DNM3: variants seen among roughly 807,000 people sequenced by gnomAD.
DNM3 encodes the protein dynamin-3.
Under a neutral mutation model 101.6 loss-of-function variants are expected in DNM3, and 47 were observed. The ratio of observed to expected loss-of-function variants is 0.46; its 90% confidence interval spans 0.37 to 0.59. DNM3 has a LOEUF of 0.59. Ranked by LOEUF, DNM3 falls within the 20% of genes least tolerant of loss-of-function variation. The pLI is 0.00. For synonymous variants in DNM3, 385 were observed against 387.9 expected, an observed-to-expected ratio of 0.99 and a Z score of 0.09; for missense variants, 849 against 1,085.7, an observed-to-expected ratio of 0.78 and a Z score of 3.06.
intron 20 of DNM3, among the ~76,000 whole-genome samples, chr1:172,392,821 C>T (rs2069639161): frequency 6.6e-6 from 1 of 152,144 alleles, no homozygotes; most frequent in Non-Finnish European, 1.5e-5. Flanking sequence ...CACCCTTGTT[C>T]ACCAAGTATG....
intron 1 of DNM3, among the ~76,000 whole-genome samples, chr1:171,893,430 AT>A (rs1430530534): frequency 3.4e-5 from 5 of 148,780 alleles, no homozygotes; most frequent in Admixed American, 1.4e-4. Flanking sequence ...AGTCCAAACT[AT>A]TTTCAATTAT....
chr1:171,963,751 A>G (rs2043374863), intron 2 of DNM3, among the ~76,000 whole-genome samples: 1 of 146,466 alleles, frequency 6.8e-6, no homozygotes, highest in South Asian at 2.3e-4. Flanking sequence ...TATATATATT[A>G]TCTCTATATA....
At chr1:172,340,083 A>T (rs1282520376) in intron 17 of DNM3, among the ~76,000 whole-genome samples, 1 of 152,184 alleles carries the variant, frequency 6.6e-6, no homozygotes, top group Non-Finnish European at 1.5e-5. Context: ...GAATGGATTT[A>T]GTGGGAGCCA....
chr1:172,298,396 A>G (rs2064266580), intron 15 of DNM3, among the ~76,000 whole-genome samples: 1 of 152,196 alleles, frequency 6.6e-6, no homozygotes, highest in African/African-American at 2.4e-5. Context: ...AGGCACTGCT[A>G]TGGGAGACTC....
chr1:172,320,855 T>C (rs1440240376), intron 16 of DNM3, among the ~76,000 whole-genome samples: 3 of 152,172 alleles, frequency 2.0e-5, no homozygotes, highest in South Asian at 2.1e-4. Context: ...TGGTAGGAAG[T>C]CTGAAACAAT....
At chr1:171,893,242 A>G (rs1047938925) in intron 1 of DNM3, among the ~76,000 whole-genome samples, 2 of 152,186 alleles carry the variant, frequency 1.3e-5, no homozygotes, top group African/African-American at 2.4e-5. Context: ...TGCATGGACT[A>G]AGGTTTACTT....
chr1:172,040,988 A>G (rs910537204), intron 7 of DNM3, among the ~76,000 whole-genome samples: 2 of 152,096 alleles, frequency 1.3e-5, no homozygotes, highest in South Asian at 2.1e-4. Context: ...ATGCTGGGAG[A>G]TGGGCTAAAG....
downstream of DNM3, among the ~76,000 whole-genome samples, chr1:172,417,550 C>T (rs9425309): frequency 0.73 from 111,237 of 152,004 alleles, 45,354 homozygotes; most frequent in East Asian, 1. Context: ...CACTTCAGAA[C>T]AAATCAGAAA....
At chr1:172,344,270 A>G (rs1340701158) in intron 17 of DNM3, among the ~76,000 whole-genome samples, 9 of 152,200 alleles carry the variant, frequency 5.9e-5, no homozygotes, top group South Asian at 2.1e-4. Flanking sequence ...AATTGCAACC[A>G]TATTTTGCCA....
downstream of DNM3, among the ~76,000 whole-genome samples, chr1:172,413,289 C>G (rs1450075971): frequency 2.0e-5 from 3 of 152,116 alleles, no homozygotes; most frequent in Non-Finnish European, 4.4e-5. Context: ...TGCAGTGGCA[C>G]TATCTCGGCT....
chr1:172,050,699 T>C (rs918659227), intron 10 of DNM3, among the ~76,000 whole-genome samples: 1 of 152,176 alleles, frequency 6.6e-6, no homozygotes, highest in Non-Finnish European at 1.5e-5. Context: ...CTCCCTCCAC[T>C]GTAAAGAAAG....
At chr1:171,891,754 A>G (rs114850591) in intron 1 of DNM3, among the ~76,000 whole-genome samples, 1,762 of 152,322 alleles carry the variant, frequency 0.012, 16 homozygotes, top group Middle Eastern at 0.017. Flanking sequence ...GGAAATTACC[A>G]TCTTATCACA....
At chr1:172,227,606 T>G (rs973858196) in intron 14 of DNM3, among the ~76,000 whole-genome samples, 5 of 152,274 alleles carry the variant, frequency 3.3e-5, no homozygotes, top group African/African-American at 9.6e-5. Flanking sequence ...TCTTTTGACT[T>G]TTTAATAATG....
chr1:172,036,096 C>A (rs2125815292), intron 6 of DNM3, among the ~76,000 whole-genome samples: 1 of 148,982 alleles, frequency 6.7e-6, no homozygotes, highest in Non-Finnish European at 1.5e-5. Context: ...TGCTGGTGTG[C>A]TGCACCCATT....
intron 14 of DNM3, among the ~76,000 whole-genome samples, chr1:172,186,986 C>T (rs2059549698): frequency 6.6e-6 from 1 of 152,030 alleles, no homozygotes; most frequent in Admixed American, 6.6e-5. Flanking sequence ...CTCTCCATGG[C>T]CGAGTCACCT....
chr1:172,368,646 CA>C (rs1413275249), intron 17 of DNM3, among the ~76,000 whole-genome samples: 3 of 151,514 alleles, frequency 2.0e-5, no homozygotes, highest in Non-Finnish European at 4.4e-5. Context: ...GAGATTAAAA[CA>C]ACAATACAAA....
In DNM3 at chr1:172,330,638, T is replaced by C. The variant is rs545861845; in HGVS notation, c.1893+7298T>C. ...TTTGTGGTCCTGTGTTGTTTTCTCA[T>C]TTTTATGTGATAACCATCCTTTGTG... On this transcript the variant is annotated intron_variant, in intron 17 of 20. Transcript: ENST00000627582. 2.5e-3 allele frequency among the ~76,000 whole-genome samples: 385 copies of C among 152,268 alleles called. 2 individuals are homozygous for C. Among genetic ancestry groups the C allele is most frequent in the Non-Finnish European group, 4.3e-3 (294 of 68,004 alleles).
chr1:172,065,558 G>A (rs1029061858), intron 10 of DNM3, among the ~76,000 whole-genome samples: 2 of 152,134 alleles, frequency 1.3e-5, no homozygotes, highest in African/African-American at 4.8e-5. Flanking sequence ...AGTCAAGAGG[G>A]GTTCTGGTAT....
intron 14 of DNM3, among the ~76,000 whole-genome samples, chr1:172,241,025 C>T (rs1216785338): frequency 2.0e-5 from 3 of 151,752 alleles, no homozygotes; most frequent in Non-Finnish European, 4.4e-5. Context: ...AAAATTTAAC[C>T]CATGAATAGT....
Sources: gnomAD v4.1 joint callset for allele counts (sites outside exome capture counted in the v4.1 genomes callset) on GRCh38, gnomAD v4.1.1 for gene constraint, MANE v1.5 for transcripts, NCBI Gene and HGNC (gene_info 2026-07-23, HGNC 2026-07-21) for gene names.